SI: variants seen among roughly 807,000 people sequenced by gnomAD.
The protein encoded by SI is sucrase-isomaltase, intestinal.
In SI, 235 loss-of-function variants were observed where a neutral mutation model predicts 253.3. That is an observed-to-expected ratio of 0.93 (90% CI 0.83 to 1.03). The LOEUF is 1.03. SI is among the 50% of genes least tolerant of loss of function. SI has a pLI of 0.00. For missense variants in SI, 2,442 were observed against 2,211.1 expected (o/e 1.10, Z -2.09); for synonymous variants, 819 against 712.0 (o/e 1.15, Z -2.39).
rs1712612852 is a variant in SI, at chr3:165,037,916, C to T, written c.2410G>A (p.Val804Ile). Residue 804 changes from valine (V) to isoleucine (I), a missense_variant, in exon 21 of 48, where the codon GTA (valine) becomes ATA (isoleucine). By Grantham distance (29) the Val-to-Ile change is conservative (BLOSUM62 3). Transcript: ENST00000264382. ...TCATTTTACCTTGCTGTTGTTGTTA[C>T]ATCTGGTTCTTGAATGGGGATGATA... ...GYIIPIQEPD[V>I]TTTASRKNPL... is the part of the protein sequence containing the mutation. 6.2e-7 allele frequency: 1 copy of T among 1,606,886 alleles called. No homozygotes were observed. Among genetic ancestry groups the T allele is most frequent in the African/African-American group, 1.3e-5 (1 of 74,664 alleles).
chr3:165,071,715 G>C (rs1714588778), intron 3 of SI, among the ~76,000 whole-genome samples: 1 of 151,956 alleles, frequency 6.6e-6, no homozygotes, highest in Non-Finnish European at 1.5e-5. Flanking sequence ...ATAAGAAGAG[G>C]AAAAGACAGC....
intron 10 of SI, 118 bp downstream of exon 10, chr3:165,059,784 C>T: frequency 9.6e-7 from 1 of 1,037,910 alleles, no homozygotes; most frequent in Admixed American, 1.9e-5. Flanking sequence ...TAAAAGGCAG[C>T]CTCTTAATTA....
chr3:165,043,032 G>A (rs766792300), intron 17 of SI, 27 bp downstream of exon 17: 27 of 1,323,790 alleles, frequency 2.0e-5, no homozygotes, highest in East Asian at 4.6e-5. Flanking sequence ...TTTTTATTTC[G>A]CAACATGGAG....
chr3:165,083,750 A>G, the SI span, among the ~76,000 whole-genome samples: 3 of 152,036 alleles, frequency 2.0e-5, no homozygotes, highest in African/African-American at 7.2e-5. Flanking sequence ...TTGGCCTTCC[A>G]TTATGTAACT....
At position 165,023,752 on chromosome 3, in the gene SI, C is replaced by T; in HGVS notation, c.2917G>A (p.Glu973Lys). The change falls in exon 26 of 48, where the codon GAG becomes AAG. Residue 973 changes from glutamate to lysine, a missense_variant. Transcript: ENST00000264382. ...RTGSSLSKAP[E>K]CYFPRQDNSY... ...TTATCTTGTCTGGGAAAGTAACACT[C>T]AGGTGCTTTGGATAGAGAAGAACCC... 6.2e-7 allele frequency: 1 copy of T among 1,610,104 alleles called. No homozygotes were observed. Among genetic ancestry groups the T allele is most frequent in the Non-Finnish European group, 8.5e-7 (1 of 1,177,386 alleles).
chr3:165,008,738 TC>T (rs1718633172), intron 35 of SI, among the ~76,000 whole-genome samples: 1 of 151,864 alleles, frequency 6.6e-6, no homozygotes, highest in Admixed American at 6.6e-5. Flanking sequence ...ACTGGAAAAA[TC>T]AACAAAGTAA....
At position 165,038,074 on chromosome 3, in the gene SI, ACT is replaced by A. The variant is rs753387709; in HGVS notation, c.2302-52_2302-51del. The stretch of plus-strand genomic sequence containing the variant: ...TTCTTAATATTATTGAAGACTTTAA[ACT>A]CTATTTCACAAGAATTAAAAGGCAT... On this transcript the variant is annotated intron_variant, in intron 20 of 47. Coordinates refer to ENST00000264382, the MANE Select transcript of SI (RefSeq NM_001041.4). The A allele has an allele frequency of 2.7e-6, 4 of 1,491,260 alleles. No individual in the cohort carries two copies. The South Asian group carries it at 4.6e-5, about 17-fold the overall frequency. 92.4% of individuals were successfully genotyped at this position (1,491,260 alleles called of 1,614,324 possible). A position where few individuals can be genotyped will look rare whatever the true frequency, so the allele number is the denominator to read the frequency against.
rs749261814 is a variant in SI at position 165,037,986 on chromosome 3, C to T, written c.2340G>A (p.Met780Ile). The change falls in exon 21 of 48, where the codon ATG (methionine) becomes ATA (isoleucine). Residue 780 changes from methionine (M) to isoleucine (I), a missense_variant. By Grantham distance (10) the Met-to-Ile change is conservative. Transcript: ENST00000264382. ...ATCCTATTTTGTCTGCTGGAAGATA[C>T]ATATCAACCCGTTGTTTCCTCCATG... The part of the protein sequence containing the change: ...KRPWRKQRVD[M>I]YLPADKIGLH... 1.2e-6 allele frequency: 2 copies of T among 1,608,188 alleles called. No individual in the cohort carries two copies. Among genetic ancestry groups the T allele is most frequent in the Admixed American group, 3.3e-5 (2 of 59,808 alleles).
intron 37 of SI, among the ~76,000 whole-genome samples, chr3:165,005,718 T>C (rs973883287): frequency 1.3e-5 from 2 of 152,184 alleles, no homozygotes; most frequent in Non-Finnish European, 2.9e-5. Flanking sequence ...AAGTACCACA[T>C]TGGCACCCAG....
In SI at chr3:165,040,935, C is replaced by G; in HGVS notation, c.2159+5G>C. ...ATTATTATAATTATTGTACGTAGTA[C>G]TCACTCATGAAGAACTGGTCTTGCT... On this transcript the variant is annotated splice_donor_5th_base_variant and intron_variant, in intron 18 of 47. Coordinates refer to ENST00000264382, the MANE Select transcript of SI (RefSeq NM_001041.4). 1 of 1,601,580 alleles carries G rather than the reference C, an allele frequency of 6.2e-7. No homozygotes were observed. Among genetic ancestry groups the G allele is most frequent in the Non-Finnish European group, 8.6e-7 (1 of 1,169,128 alleles).
chr3:165,086,729 G>T, the SI span, among the ~76,000 whole-genome samples: 1 of 152,166 alleles, frequency 6.6e-6, no homozygotes, highest in South Asian at 2.1e-4. Context: ...AACTCAAAGA[G>T]TTACAGGATA....
intron 25 of SI, among the ~76,000 whole-genome samples, chr3:165,024,485 A>C (rs1238798777): frequency 6.6e-6 from 1 of 151,112 alleles, no homozygotes; most frequent in Non-Finnish European, 1.5e-5. Context: ...AAGTTGTGTG[A>C]GTCCTCATAA....
rs143295290 is a variant in SI, at chr3:165,045,093, A to G, written c.1887+1748T>C. Among the ~76,000 whole-genome samples, 1,514 of 152,192 alleles carry G rather than the reference A, an allele frequency of 9.9e-3. 17 individuals are homozygous for G. Among genetic ancestry groups the G allele is most frequent in the Admixed American group, 0.015 (225 of 15,258 alleles). ...TCTATTTGTATATCCACAGTCCAGTATCATTGTGTTAATAACTACAGCTTT... is the reference window on the plus strand; with the variant it reads ...TCTATTTGTATATCCACAGTCCAGTGTCATTGTGTTAATAACTACAGCTTT... On this transcript the variant is annotated intron_variant, in intron 16 of 47. Coordinates refer to ENST00000264382, the MANE Select transcript of SI (RefSeq NM_001041.4).
At chr3:165,063,278 G>A (rs1356727312) in intron 8 of SI, among the ~76,000 whole-genome samples, 164 bp downstream of exon 8, 1 of 151,848 alleles carries the variant, frequency 6.6e-6, no homozygotes, top group Non-Finnish European at 1.5e-5. Context: ...TGCAAAAATT[G>A]ATTTTGTCTT....
chr3:165,009,179 A>C lies in SI; in HGVS notation c.4179+100T>G, dbSNP rs1269121846. The C allele has an allele frequency of 6.0e-6, 5 of 831,062 alleles. No individual in the cohort carries two copies. The African/African-American group carries it at 8.5e-5, about 14-fold the overall frequency. 51.5% of individuals were successfully genotyped at this position (831,062 alleles called of 1,614,324 possible). On this transcript the variant is annotated intron_variant, in intron 35 of 47. Coordinates refer to ENST00000264382, the MANE Select transcript of SI (RefSeq NM_001041.4). ...GGGGAAAAAAGTGGACTAGTTTTCA[A>C]ATAAAATATTTTGTTGACATTATTT...
At chr3:164,989,424 GAAA>G (rs1354198049) in intron 44 of SI, among the ~76,000 whole-genome samples, 37 of 144,112 alleles carry the variant, frequency 2.6e-4, no homozygotes, top group Middle Eastern at 3.7e-3. Context: ...AAGAAAGAAA[GAAA>G]GAAAGAAAGG....
intron 37 of SI, among the ~76,000 whole-genome samples, chr3:165,006,491 C>A (rs941882796): frequency 2.6e-5 from 4 of 152,090 alleles, no homozygotes; most frequent in South Asian, 2.1e-4. Flanking sequence ...GTTATTAATT[C>A]ATTTATAAAT....
intron 3 of SI, among the ~76,000 whole-genome samples, chr3:165,074,182 A>G (rs1408273534): frequency 6.6e-6 from 1 of 152,100 alleles, no homozygotes; most frequent in Non-Finnish European, 1.5e-5. Context: ...CAAATACTCT[A>G]CTGGAACATA....
chr3:164,994,869 C>G (rs1197391510), intron 40 of SI, among the ~76,000 whole-genome samples: 1 of 151,484 alleles, frequency 6.6e-6, no homozygotes, highest in Non-Finnish European at 1.5e-5. Context: ...CTAAAGAATA[C>G]ATAGTACAGA....
Sources: gnomAD v4.1 joint callset for allele counts (sites outside exome capture counted in the v4.1 genomes callset) on GRCh38, gnomAD v4.1.1 for gene constraint, MANE v1.5 for transcripts, NCBI Gene and HGNC (gene_info 2026-07-23, HGNC 2026-07-21) for gene names.